CLOCK: variants seen among roughly 807,000 people sequenced by gnomAD.
CLOCK encodes circadian locomoter output cycles protein kaput.
A neutral mutation model predicts 118.4 loss-of-function variants in CLOCK; 43 were observed. The ratio of observed to expected loss-of-function variants is 0.36; its 90% confidence interval spans 0.28 to 0.47. CLOCK has a LOEUF of 0.47. Ranked by LOEUF, CLOCK falls within the 20% of genes least tolerant of loss-of-function variation. CLOCK has a pLI of 1.00. For synonymous variants in CLOCK, 326 were observed against 339.2 expected, an observed-to-expected ratio of 0.96 and a Z score of 0.43; for missense variants, 846 against 999.9, an observed-to-expected ratio of 0.85 and a Z score of 2.08.
intron 9 of CLOCK, among the ~76,000 whole-genome samples, chr4:55,459,487 T>A (rs534116187): frequency 4.8e-4 from 73 of 152,302 alleles, no homozygotes; most frequent in African/African-American, 1.7e-3. Flanking sequence ...ACTTAATGTT[T>A]CCCTATTTTT....
chr4:55,441,937 G>T (rs541962732), intron 21 of CLOCK, among the ~76,000 whole-genome samples: 1 of 152,274 alleles, frequency 6.6e-6, no homozygotes, highest in South Asian at 2.1e-4. Context: ...ACTAGCTATA[G>T]ATCCCTTGGC....
At position 55,433,504 on chromosome 4, in the gene CLOCK, C is replaced by G. The variant is rs191562656; in HGVS notation, c.*1911G>C. The G allele has an allele frequency of 6.6e-6, 1 of 152,350 alleles. No homozygotes were observed. The highest frequency in any genetic ancestry group is 6.5e-5 in the Admixed American group (1 of 15,298). The allele number at this position is 152,350 out of a possible 1,614,324, so 9.4% of individuals were successfully genotyped here. A position where few individuals can be genotyped will look rare whatever the true frequency, so the allele number is the denominator to read the frequency against. ...AACTGGCTTAGCATTCCCCTGACCT[C>G]TTTACCTAGCAATTCTGCATTAGGT... On this transcript the variant is annotated 3_prime_UTR_variant, in exon 23 of 23. Coordinates refer to ENST00000513440, the MANE Select transcript of CLOCK (RefSeq NM_004898.4).
intron 1 of CLOCK, among the ~76,000 whole-genome samples, chr4:55,520,672 G>A (rs1729798815): frequency 6.6e-6 from 1 of 152,082 alleles, no homozygotes; most frequent in Non-Finnish European, 1.5e-5. Flanking sequence ...ACAAAGTGAG[G>A]TAATGTTAAA....
intron 15 of CLOCK, among the ~76,000 whole-genome samples, chr4:55,451,264 TCA>T (rs1724424312): frequency 6.6e-6 from 1 of 152,218 alleles, no homozygotes; most frequent in Non-Finnish European, 1.5e-5. Flanking sequence ...AAGTTAATGC[TCA>T]GTTCTCAACA....
At chr4:55,445,478 A>C (rs899276588) in intron 18 of CLOCK, among the ~76,000 whole-genome samples, 2 of 149,714 alleles carry the variant, frequency 1.3e-5, no homozygotes, top group African/African-American at 4.9e-5. Flanking sequence ...GGGGAAGAGG[A>C]GGTTAGGAGC....
chr4:55,530,162 C>T (rs936711037), intron 1 of CLOCK, among the ~76,000 whole-genome samples: 1 of 152,114 alleles, frequency 6.6e-6, no homozygotes, highest in African/African-American at 2.4e-5. Context: ...ATAACAAAAA[C>T]AATTCATATC....
At chr4:55,473,638 T>C (rs1726295722) in intron 7 of CLOCK, among the ~76,000 whole-genome samples, 1 of 152,180 alleles carries the variant, frequency 6.6e-6, no homozygotes, top group Non-Finnish European at 1.5e-5. Flanking sequence ...TTTATTGAAC[T>C]TCAGTTACTG....
Position 55,461,116 on chromosome 4 carries a change from C to T in CLOCK, c.560-1855G>A, listed in dbSNP as rs374183669. ...TTTCTATTTCTCTTTATTGTATAGA[C>T]GGTGTTTCACCATGTTGCCCATGCT... On this transcript the variant is annotated intron_variant, in intron 9 of 22. Transcript: ENST00000513440. 8.9e-4 allele frequency among the ~76,000 whole-genome samples: 136 copies of T among 152,144 alleles called. 1 individual carries two copies. Among genetic ancestry groups the T allele is most frequent in the South Asian group, 1.2e-3 (6 of 4,818 alleles).
intron 1 of CLOCK, among the ~76,000 whole-genome samples, chr4:55,528,995 A>G (rs987233407): frequency 2.0e-4 from 30 of 152,202 alleles, no homozygotes; most frequent in African/African-American, 7.2e-4. Context: ...TCATTCCAAG[A>G]TGGCAATTAG....
intron 2 of CLOCK, among the ~76,000 whole-genome samples, chr4:55,508,013 A>C (rs2110015514): frequency 6.6e-6 from 1 of 152,318 alleles, no homozygotes; most frequent in Middle Eastern, 3.4e-3. Flanking sequence ...CCCGAGTCAC[A>C]TAACTAAGTG....
Position 55,435,438 on chromosome 4 carries a change from G to A in CLOCK, c.2518C>T (p.Pro840Ser). 1 of 1,614,006 alleles carries A rather than the reference G, an allele frequency of 6.2e-7. No homozygotes were observed. The highest frequency in any genetic ancestry group is 1.1e-5 in the South Asian group (1 of 91,078). ...TGCTACTGTGGTTGAACCTTGGAAG[G>A]GTCGGGCAAGCTGTCAGTCCTGTGC... ...SRHRTDSLPD[P>S]SKVQPQ is the part of the protein sequence containing the mutation. Residue 840 changes from proline to serine, a missense_variant, in exon 23 of 23, where the codon CCT becomes TCT. Pro to Ser is a moderately conservative substitution (Grantham distance 74). Around this residue, in one of 4 missense-constraint regions of CLOCK, gnomAD observed 520 missense variants for 558.0 expected, o/e 0.93. Transcript: ENST00000513440.
intron 1 of CLOCK, among the ~76,000 whole-genome samples, chr4:55,535,105 AT>A (rs1261890529): frequency 1.3e-5 from 2 of 151,476 alleles, no homozygotes; most frequent in African/African-American, 2.4e-5. Context: ...ATTTTTTTCT[AT>A]TTTTTTGGAG....
At chr4:55,528,792 A>G (rs1049290980) in intron 1 of CLOCK, among the ~76,000 whole-genome samples, 4 of 152,156 alleles carry the variant, frequency 2.6e-5, no homozygotes, top group South Asian at 2.1e-4. Flanking sequence ...TTTTTTTCCT[A>G]AAGACAGTTA....
chr4:55,544,013 A>G (rs1479612893), intron 1 of CLOCK, among the ~76,000 whole-genome samples: 2 of 152,188 alleles, frequency 1.3e-5, no homozygotes, highest in Non-Finnish European at 2.9e-5. Context: ...TTCATTACAC[A>G]ATATTAGTCA....
chr4:55,544,165 GACACAC>G lies in CLOCK; in HGVS notation c.-290+2611_-290+2616del, dbSNP rs35842826. ...TGTACACTTTCATGAGAAACAACCA[GACACAC>G]ACACACACACACACACACACACACA... On this transcript the variant is annotated intron_variant, in intron 1 of 22. Transcript: ENST00000513440. Among the ~76,000 whole-genome samples, 1,383 of 147,908 alleles carry G rather than the reference GACACAC, an allele frequency of 9.4e-3. 5 individuals carry two copies. Among genetic ancestry groups the G allele is most frequent in the South Asian group, 0.022 (104 of 4,634 alleles).
At chr4:55,539,906 T>C (rs1731151343) in intron 1 of CLOCK, among the ~76,000 whole-genome samples, 1 of 152,022 alleles carries the variant, frequency 6.6e-6, no homozygotes, top group African/African-American at 2.4e-5. Context: ...CATATAAGTA[T>C]ACATATACTT....
chr4:55,503,978 T>TAAAAGAAAAAAAAAAAAAAAAAAAA (rs1553900254), intron 2 of CLOCK, among the ~76,000 whole-genome samples: 1 of 71,130 alleles, frequency 1.4e-5, no homozygotes. Context: ...CAAAAAGAGG[T>TAAAAGAAAAAAAAAAAAAAAAAAAA]AAAAAAAAAA....
At chr4:55,505,020 TA>T (rs1352537475) in intron 2 of CLOCK, among the ~76,000 whole-genome samples, 1 of 151,820 alleles carries the variant, frequency 6.6e-6, no homozygotes, top group Non-Finnish European at 1.5e-5. Context: ...CTGTCTTTAC[TA>T]AAAATACAAA....
At chr4:55,545,128 A>T (rs1490612929) in intron 1 of CLOCK, among the ~76,000 whole-genome samples, 1 of 149,752 alleles carries the variant, frequency 6.7e-6, no homozygotes, top group Non-Finnish European at 1.5e-5. Context: ...GGTTTGTCAC[A>T]TATGTATAAA....
Sources: allele counts gnomAD v4.1 joint callset (sites outside exome capture counted in the v4.1 genomes callset), GRCh38; gene constraint gnomAD v4.1.1; regional missense constraint gnomAD v4.1.1; transcripts MANE v1.5; gene names NCBI Gene and HGNC (gene_info 2026-07-23, HGNC 2026-07-21).